The following PARP12 variants were observed in gnomAD, a reference collection of about 807,000 sequenced individuals.
PARP12 encodes the protein poly(ADP-ribose) polymerase family member 12.
PARP12 carries 59 observed loss-of-function variants against 72.4 expected under a neutral mutation model. That is an observed-to-expected ratio of 0.81 (90% CI 0.66 to 1.01). The LOEUF is 1.01. Among genes scored for constraint, PARP12 ranks in the 50% least tolerant of loss-of-function variants. PARP12 has a pLI of 0.00. For synonymous variants in PARP12, 403 were observed against 371.4 expected (o/e 1.09, Z -0.98); for missense variants, 851 against 914.0 (o/e 0.93, Z 0.89).
At position 140,056,887 on chromosome 7, in the gene PARP12, C is replaced by T; in HGVS notation, c.729G>A (p.Val243=). ...IKNKSSAPSR[V]PPLFVPQGTS... is the part of the protein sequence containing the mutation. ...TCCCCTGTGGGACAAAAAGAGGAGG[C>T]ACTCTGCTGGGGGCAGAGCTCTTAT... is the stretch of plus-strand genomic sequence containing the variant. Residue 243 remains valine, a synonymous_variant, in exon 3 of 12, where the codon GTG becomes GTA. Coordinates refer to ENST00000263549, the MANE Select transcript of PARP12 (RefSeq NM_022750.4). The T allele has an allele frequency of 2.5e-6, 4 of 1,610,684 alleles. No homozygotes were observed. The highest frequency in any genetic ancestry group is 3.4e-6 in the Non-Finnish European group (4 of 1,178,984).
At chr7:140,053,814 C>T (rs1164048999) in intron 4 of PARP12, among the ~76,000 whole-genome samples, 4 of 152,134 alleles carry the variant, frequency 2.6e-5, no homozygotes, top group Non-Finnish European at 4.4e-5. Context: ...CTCCAAGATA[C>T]AATGTTAAGA....
chr7:140,034,783 A>G (rs1013273436), intron 7 of PARP12: 3 of 156,308 alleles, frequency 1.9e-5, no homozygotes, highest in Admixed American at 6.4e-5. Context: ...TAAACCAATA[A>G]TATCTTTAAT....
chr7:140,062,298 C>CT (rs1817490354), intron 1 of PARP12, among the ~76,000 whole-genome samples: 1 of 152,080 alleles, frequency 6.6e-6, no homozygotes, highest in Non-Finnish European at 1.5e-5. Context: ...TCACTCTCTC[C>CT]CCCCAGGCGT....
At chr7:140,027,251 C>T in intron 10 of PARP12, 25 bp downstream of exon 10, 3 of 1,607,216 alleles carry the variant, frequency 1.9e-6, no homozygotes, top group Non-Finnish European at 2.6e-6. Flanking sequence ...AGTCACCAGC[C>T]CACCAAGAGC....
In PARP12 at chr7:140,035,842, GGAGGAA is replaced by G. The variant is rs1308410633; in HGVS notation, c.1325-1517_1325-1512del. Among the ~76,000 whole-genome samples the G allele has an allele frequency of 1.7e-4, 15 of 86,982 alleles. 1 individual carries two copies. The South Asian group carries it at 4.4e-3, about 26-fold the overall frequency. The allele number at this position is 86,982 out of a possible 152,430, so 57.1% of individuals were successfully genotyped here. A position where few individuals can be genotyped will look rare whatever the true frequency, so the allele number is the denominator to read the frequency against. On this transcript the variant is annotated intron_variant, in intron 7 of 11. Transcript: ENST00000263549. ...ATACTGGTATCTACCAAAAGAAGGA[GGAGGAA>G]GAGGAGGAGGAGGGGGAAGAGGAAG...
chr7:140,035,900 GACGAGGAGGAGGACAAGGAGGAGGACA>G lies in PARP12; in HGVS notation c.1325-1596_1325-1570del, dbSNP rs1569526846. 1.4e-4 allele frequency among the ~76,000 whole-genome samples: 18 copies of G among 126,896 alleles called. 2 individuals carry two copies. Among genetic ancestry groups the G allele is most frequent in the African/African-American group, 3.5e-4 (10 of 28,654 alleles). The allele number at this position is 126,896 out of a possible 152,430, so 83.2% of individuals were successfully genotyped here. A position where few individuals can be genotyped will look rare whatever the true frequency, so the allele number is the denominator to read the frequency against. ...GGAGGAGGAAGAGGAAGAGGAGGAG[GACGAGGAGGAGGACAAGGAGGAGGACA>G]AGGAGGAGGAGGAGGAGGAGGAGGA... On this transcript the variant is annotated intron_variant, in intron 7 of 11. Transcript: ENST00000263549.
At chr7:140,053,194 A>C (rs527752683) in intron 4 of PARP12, among the ~76,000 whole-genome samples, 3 of 152,344 alleles carry the variant, frequency 2.0e-5, no homozygotes, top group Admixed American at 2.0e-4. Context: ...CAACAACCCA[A>C]ATGTTCATCA....
At chr7:140,060,336 C>T (rs560138407) in intron 1 of PARP12, among the ~76,000 whole-genome samples, 1 of 152,196 alleles carries the variant, frequency 6.6e-6, no homozygotes, top group Non-Finnish European at 1.5e-5. Context: ...GACTCCGTAC[C>T]AGCTCTGCAG....
intron 5 of PARP12, among the ~76,000 whole-genome samples, chr7:140,042,316 AC>A (rs1431919711): frequency 6.6e-6 from 1 of 152,254 alleles, no homozygotes; most frequent in Non-Finnish European, 1.5e-5. Context: ...AGGTGAAGAA[AC>A]CTGTTCAAGG....
At chr7:140,029,775 C>A (rs898222675) in intron 8 of PARP12, among the ~76,000 whole-genome samples, 3 of 152,166 alleles carry the variant, frequency 2.0e-5, no homozygotes, top group Non-Finnish European at 4.4e-5. Flanking sequence ...GTGTAGTGGA[C>A]AGGCTTAATA....
chr7:140,061,839 G>GAGT (rs1247047376), intron 1 of PARP12, among the ~76,000 whole-genome samples: 2 of 152,022 alleles, frequency 1.3e-5, no homozygotes, highest in Non-Finnish European at 1.5e-5. Context: ...CTGTGACCAA[G>GAGT]AGTAAGGGGA....
intron 4 of PARP12, among the ~76,000 whole-genome samples, chr7:140,052,214 G>C (rs757803234): frequency 2.6e-5 from 4 of 152,206 alleles, no homozygotes; most frequent in Non-Finnish European, 5.9e-5. Flanking sequence ...TCATAGAGTG[G>C]AAAGTTTGCT....
Position 140,062,734 on chromosome 7 carries a change from C to G in PARP12, c.114G>C (p.Ala38=). ...RRLRMGLSAD[A]LERLLRQRGR... ...CACGCTGCCGCAGCAGCCGCTCCAG[C>G]GCGTCGGCGCTCAAGCCCATCCGCA... The change falls in exon 1 of 12, where the codon GCG becomes GCC. Residue 38 remains alanine, a synonymous_variant. Transcript: ENST00000263549. 2 of 1,364,172 alleles carry G rather than the reference C, an allele frequency of 1.5e-6. No individual in the cohort carries two copies. The highest frequency in any genetic ancestry group is 1.9e-6 in the Non-Finnish European group (2 of 1,051,860). The allele number at this position is 1,364,172 out of a possible 1,614,324, so 84.5% of individuals were successfully genotyped here. A position where few individuals can be genotyped will look rare whatever the true frequency, so the allele number is the denominator to read the frequency against.
chr7:140,062,894 C>CGGCGGCGGACGCTGGCT lies in PARP12; in HGVS notation c.-64_-48dup. The CGGCGGCGGACGCTGGCT allele has an allele frequency of 1.6e-6, 2 of 1,218,918 alleles. No homozygotes were observed. The highest frequency in any genetic ancestry group is 2.0e-6 in the Non-Finnish European group (2 of 978,066). The allele number at this position is 1,218,918 out of a possible 1,614,324, so 75.5% of individuals were successfully genotyped here. On this transcript the variant is annotated 5_prime_UTR_variant, in exon 1 of 12. Coordinates refer to ENST00000263549, the MANE Select transcript of PARP12 (RefSeq NM_022750.4). Reference sequence around the variant, plus strand: ...CGGACCGCGGGTGGCGCGACGCGGACGGCGGCGGACGCTGGCTGGCGGGCG... The same window carrying CGGCGGCGGACGCTGGCT: ...CGGACCGCGGGTGGCGCGACGCGGACGGCGGCGGACGCTGGCTGGCGGCGGACGCTGGCTGGCGGGCG...
rs187443190 is a variant in PARP12, at chr7:140,024,329, A to G, written c.*231T>C. On this transcript the variant is annotated 3_prime_UTR_variant, in exon 12 of 12. Transcript: ENST00000263549. ...AAAACTAAAACTTCAACACATTATT[A>G]AAAAGCAAAACTGGACTCAACTACA... is the stretch of plus-strand genomic sequence containing the variant. The G allele has an allele frequency of 1.2e-4, 69 of 557,318 alleles. No individual in the cohort carries two copies. The highest frequency in any genetic ancestry group is 1.9e-4 in the Non-Finnish European group (61 of 314,192). 34.5% of individuals were successfully genotyped at this position (557,318 alleles called of 1,614,324 possible).
intron 1 of PARP12, among the ~76,000 whole-genome samples, chr7:140,061,452 T>TACAC (rs143130780): frequency 0.045 from 6,866 of 151,354 alleles, 310 homozygotes; most frequent in African/African-American, 0.12. Flanking sequence ...AAGACAAACA[T>TACAC]ACACACACAC....
rs1815738243 is a variant in PARP12, at chr7:140,026,354, A to C, written c.1629-6T>G. 2 of 1,606,808 alleles carry C rather than the reference A, an allele frequency of 1.2e-6. No individual in the cohort carries two copies. The highest frequency in any genetic ancestry group is 1.7e-6 in the Non-Finnish European group (2 of 1,178,354). On this transcript the variant is annotated splice_polypyrimidine_tract_variant and splice_region_variant and intron_variant, in intron 10 of 11. Coordinates refer to ENST00000263549, the MANE Select transcript of PARP12 (RefSeq NM_022750.4). The stretch of plus-strand genomic sequence containing the variant: ...TCTGCATCTGTCCTTTTTGCCTAGA[A>C]TCACAGAAGAATGTGTGCTGGGGGC...
chr7:140,046,845 G>T, intron 5 of PARP12, 39 bp downstream of exon 5: 6 of 1,406,824 alleles, frequency 4.3e-6, no homozygotes, highest in East Asian at 3.1e-5. Flanking sequence ...ACACACAGAA[G>T]CCCAGGCACA....
chr7:140,041,535 T>A, intron 6 of PARP12, 109 bp downstream of exon 6: 1 of 1,108,038 alleles, frequency 9.0e-7, no homozygotes, highest in South Asian at 1.7e-5. Flanking sequence ...CACCTGGGGA[T>A]CCTCAGCTCT....
Sources: gnomAD v4.1 joint callset for allele counts (sites outside exome capture counted in the v4.1 genomes callset) on GRCh38, gnomAD v4.1.1 for gene constraint, MANE v1.5 for transcripts, NCBI Gene and HGNC (gene_info 2026-07-23, HGNC 2026-07-21) for gene names.